DACH1: variants seen among roughly 807,000 people sequenced by gnomAD.
DACH1 encodes dachshund family transcription factor 1.
Under a neutral mutation model 54.2 loss-of-function variants are expected in DACH1, and 12 were observed. That is an observed-to-expected ratio of 0.22 (90% CI 0.14 to 0.36). The LOEUF is 0.36. Ranked by LOEUF, DACH1 falls within the 10% of genes least tolerant of loss-of-function variation. The probability of loss-of-function intolerance (pLI) is 1.00; values close to 1 mark genes in which losing one functional copy is unlikely to be tolerated. For missense variants in DACH1, 805 were observed against 929.8 expected, an observed-to-expected ratio of 0.87 and a Z score of 1.75; for synonymous variants, 386 against 366.2, an observed-to-expected ratio of 1.05 and a Z score of -0.62.
At chr13:71,810,153 G>T (rs1887655220) in intron 1 of DACH1, among the ~76,000 whole-genome samples, 1 of 152,116 alleles carries the variant, frequency 6.6e-6, no homozygotes, top group Non-Finnish European at 1.5e-5. Context: ...CTTAGTGAGA[G>T]ACTATTAAAT....
intron 1 of DACH1, among the ~76,000 whole-genome samples, chr13:71,762,180 A>G (rs908997498): frequency 6.6e-6 from 1 of 152,166 alleles, no homozygotes; most frequent in East Asian, 1.9e-4. Context: ...ATACAAATGC[A>G]CTATCAGTTC....
chr13:71,777,618 CA>C (rs1303171062), intron 1 of DACH1, among the ~76,000 whole-genome samples: 1 of 152,044 alleles, frequency 6.6e-6, no homozygotes, highest in Non-Finnish European at 1.5e-5. Context: ...TTTTAAAACA[CA>C]AAAAAACTAA....
chr13:71,657,614 A>G (rs1879208823), intron 2 of DACH1, among the ~76,000 whole-genome samples: 1 of 150,740 alleles, frequency 6.6e-6, no homozygotes, highest in South Asian at 2.1e-4. Flanking sequence ...ATTCTTTTTC[A>G]CAATTTCGTC....
intron 10 of DACH1, among the ~76,000 whole-genome samples, chr13:71,456,566 A>T (rs1875579811): frequency 6.6e-6 from 1 of 151,978 alleles, no homozygotes; most frequent in African/African-American, 2.4e-5. Context: ...TTATTTTCCC[A>T]CCATAGGGAC....
intron 1 of DACH1, among the ~76,000 whole-genome samples, chr13:71,687,007 T>C (rs1013517171): frequency 1.3e-4 from 20 of 152,184 alleles, no homozygotes; most frequent in Admixed American, 7.2e-4. Flanking sequence ...GAAGGATACA[T>C]GGCAGCAAAT....
Position 71,489,059 on chromosome 13 carries a change from G to T in DACH1, c.1660C>A (p.Pro554Thr). 6.2e-7 allele frequency: 1 copy of T among 1,613,906 alleles called. No homozygotes were observed. Among genetic ancestry groups the T allele is most frequent in the Non-Finnish European group, 8.5e-7 (1 of 1,179,884 alleles). ...CCATCAGGAAACAGAAAAGGAGATG[G>T]AAAACCTGGAGGCAGTGGTTGTCCA... The part of the protein sequence containing the change: ...GHGQPLPPGF[P>T]SPFLFPDGLS... The change falls in exon 7 of 11, where the codon CCA (proline) becomes ACA (threonine). Residue 554 changes from proline to threonine, a missense_variant. Pro to Thr is a conservative substitution (Grantham distance 38). Around this residue, in one of 3 missense-constraint regions of DACH1, gnomAD observed 472 missense variants for 545.3 expected, o/e 0.87. Transcript: ENST00000613252.
intron 1 of DACH1, among the ~76,000 whole-genome samples, chr13:71,763,255 A>G (rs889350696): frequency 2.0e-5 from 3 of 152,212 alleles, no homozygotes; most frequent in African/African-American, 7.2e-5. Context: ...TAATAAATTC[A>G]GGTTTATATC....
At chr13:71,675,120 G>A in intron 2 of DACH1, 2 of 1,582,594 alleles carry the variant, frequency 1.3e-6, no homozygotes, top group Non-Finnish European at 1.7e-6. Flanking sequence ...CACCCAGGAA[G>A]TAACTGGCTA....
In DACH1 at chr13:71,735,166, G is replaced by A. The variant is rs537064905; in HGVS notation, c.849-53256C>T. 1.2e-3 allele frequency among the ~76,000 whole-genome samples: 186 copies of A among 150,590 alleles called. 13 individuals carry two copies. Among genetic ancestry groups the A allele is most frequent in the African/African-American group, 4.3e-3 (176 of 40,680 alleles). On this transcript the variant is annotated intron_variant, in intron 1 of 10. Transcript: ENST00000613252. ...CGTATATGGTTTATACATGTATATGGGATACTCGTATATGGGATATACGTA... is the reference window on the plus strand; with the variant it reads ...CGTATATGGTTTATACATGTATATGAGATACTCGTATATGGGATATACGTA...
At chr13:71,825,731 T>C (rs983918434) in intron 1 of DACH1, among the ~76,000 whole-genome samples, 4 of 152,106 alleles carry the variant, frequency 2.6e-5, no homozygotes, top group Admixed American at 6.6e-5. Flanking sequence ...GTTATTTTGT[T>C]TGGGCTATTA....
intron 1 of DACH1, among the ~76,000 whole-genome samples, chr13:71,819,084 G>T (rs1218383492): frequency 6.6e-6 from 1 of 152,110 alleles, no homozygotes; most frequent in Non-Finnish European, 1.5e-5. Flanking sequence ...GCCAGGTGTG[G>T]GAGGCCTAAA....
At chr13:71,779,209 A>G (rs55813186) in intron 1 of DACH1, among the ~76,000 whole-genome samples, 14,863 of 113,480 alleles carry the variant, frequency 0.13, 1,967 homozygotes, top group East Asian at 0.54. Context: ...ATATATGTGT[A>G]TATATATACG....
intron 1 of DACH1, among the ~76,000 whole-genome samples, chr13:71,783,324 A>G (rs1323861651): frequency 1.3e-5 from 2 of 152,182 alleles, no homozygotes; most frequent in Non-Finnish European, 2.9e-5. Flanking sequence ...TTCTGAACAT[A>G]AACTTATAAC....
intron 10 of DACH1, among the ~76,000 whole-genome samples, chr13:71,453,068 A>G (rs1213400704): frequency 1.3e-5 from 2 of 152,176 alleles, no homozygotes; most frequent in Non-Finnish European, 2.9e-5. Context: ...CATTAGTAAG[A>G]AGCAAGAAGT....
intron 2 of DACH1, among the ~76,000 whole-genome samples, chr13:71,635,038 C>T (rs1877373050): frequency 6.6e-6 from 1 of 152,124 alleles, no homozygotes; most frequent in South Asian, 2.1e-4. Flanking sequence ...ATACTTTCTT[C>T]GTATATATAT....
chr13:71,559,676 A>T (rs1290140478), intron 5 of DACH1, 144 bp downstream of exon 5: 1 of 1,061,426 alleles, frequency 9.4e-7, no homozygotes, highest in African/African-American at 1.6e-5. Context: ...ACTGGGAAAC[A>T]TAATTTTGAG....
rs187018048 is a variant in DACH1, at chr13:71,812,878, A to C, written c.848+53044T>G. Among the ~76,000 whole-genome samples the C allele has an allele frequency of 6.2e-4, 95 of 152,292 alleles. 1 individual carries two copies. The East Asian group carries it at 0.015, about 24-fold the overall frequency. ...GGTATTTAAGTCACAATTCCATATA[A>C]GTTTAAGTGCTAAATAACAGCACAG... On this transcript the variant is annotated intron_variant, in intron 1 of 10. Transcript: ENST00000613252.
intron 1 of DACH1, among the ~76,000 whole-genome samples, chr13:71,757,823 T>C (rs1486315535): frequency 6.6e-6 from 1 of 152,090 alleles, no homozygotes; most frequent in Non-Finnish European, 1.5e-5. Flanking sequence ...ACGCCTGGCC[T>C]TAAAGGTACT....
At chr13:71,578,155 A>C (rs138975952) in intron 3 of DACH1, among the ~76,000 whole-genome samples, 1 of 152,168 alleles carries the variant, frequency 6.6e-6, no homozygotes, top group South Asian at 2.1e-4. Context: ...AGATTTTCCC[A>C]CAGGCTGACC....
Sources: gnomAD v4.1 joint callset for allele counts (sites outside exome capture counted in the v4.1 genomes callset) on GRCh38, gnomAD v4.1.1 for gene constraint, gnomAD v4.1.1 regional missense constraint, MANE v1.5 for transcripts, NCBI Gene and HGNC (gene_info 2026-07-23, HGNC 2026-07-21) for gene names.